Variants in MMP12 observed in about 807,000 individuals in gnomAD.
MMP12 encodes the protein matrix metallopeptidase 12, also known as macrophage metalloelastase.
A neutral mutation model predicts 45.2 loss-of-function variants in MMP12; 51 were observed. The observed-to-expected ratio is 1.13, with a 90% CI of 0.90 to 1.42. MMP12 has a LOEUF of 1.42. Among genes scored for constraint, MMP12 ranks in the 40% most tolerant of loss-of-function variants. The probability of loss-of-function intolerance (pLI) is 0.00; values close to 1 mark genes in which losing one functional copy is unlikely to be tolerated. For synonymous variants in MMP12, 210 were observed against 193.3 expected, an observed-to-expected ratio of 1.09 and a Z score of -0.72; for missense variants, 530 against 570.8, an observed-to-expected ratio of 0.93 and a Z score of 0.73.
Position 102,866,234 on chromosome 11 carries a change from C to T in MMP12, c.1045+81G>A, listed in dbSNP as rs185059595. On this transcript the variant is annotated intron_variant, in intron 7 of 9. Transcript: ENST00000571244. ...TCAAGAGTGCTTTCTTGGTCTATAT[C>T]TATTAAAAAGTAGTAGTCTCTTCTC... The T allele has an allele frequency of 4.8e-5, 65 of 1,341,528 alleles. No individual in the cohort carries two copies. The East Asian group carries it at 1.5e-3, about 31-fold the overall frequency. 83.1% of individuals were successfully genotyped at this position (1,341,528 alleles called of 1,614,324 possible). A position where few individuals can be genotyped will look rare whatever the true frequency, so the allele number is the denominator to read the frequency against.
Position 102,864,003 on chromosome 11 carries a change from C to G in MMP12, c.1312+143G>C, listed in dbSNP as rs1259259024. On this transcript the variant is annotated intron_variant, in intron 9 of 9. Coordinates refer to ENST00000571244, the MANE Select transcript of MMP12 (RefSeq NM_002426.6). ...TAACTCTCCTATTCAGAGCCACGTA[C>G]AGTGTGAGTTTTTCCTTGCGGCCCT... The G allele has an allele frequency of 4.0e-5, 26 of 653,148 alleles. No homozygotes were observed. The East Asian group carries it at 7.1e-4, about 18-fold the overall frequency. The allele number at this position is 653,148 out of a possible 1,614,324, so 40.5% of individuals were successfully genotyped here.
chr11:102,874,959 A>G lies in MMP12; in HGVS notation c.-22T>C, dbSNP rs1449137994. On this transcript the variant is annotated 5_prime_UTR_variant, in exon 1 of 10. Coordinates refer to ENST00000571244, the MANE Select transcript of MMP12 (RefSeq NM_002426.6). ...TCATTGTAAACTTCTAAACGGATCAATTCAGTTTACTGTGTTCCTTTCTAG... is the reference window on the plus strand; with the variant it reads ...TCATTGTAAACTTCTAAACGGATCAGTTCAGTTTACTGTGTTCCTTTCTAG... 17 of 1,468,994 alleles carry G rather than the reference A, an allele frequency of 1.2e-5. No individual in the cohort carries two copies. Among genetic ancestry groups the G allele is most frequent in the Non-Finnish European group, 1.6e-5 (17 of 1,066,864 alleles). The allele number at this position is 1,468,994 out of a possible 1,614,324, so 91.0% of individuals were successfully genotyped here.
At position 102,865,188 on chromosome 11, in the gene MMP12, T is replaced by C. The variant is rs1859363210; in HGVS notation, c.1205+588A>G. Among the ~76,000 whole-genome samples the C allele has an allele frequency of 5.9e-5, 9 of 152,334 alleles. No individual in the cohort carries two copies. The South Asian group carries it at 1.9e-3, about 32-fold the overall frequency. The stretch of plus-strand genomic sequence containing the variant: ...AGCTTAACATATATGTTATGTCTCA[T>C]GTCAACCAGGCAAGCAATCTAGGAA... On this transcript the variant is annotated intron_variant, in intron 8 of 9. Transcript: ENST00000571244. The surrounding 1 kb of genome is among the most constrained non-coding windows in gnomAD (Gnocchi z 4.1).
At position 102,862,907 on chromosome 11, in the gene MMP12, A is replaced by C. The variant is rs1859317552; in HGVS notation, c.*193T>G. ...TATTTTCAAACTTAATAGTAGAGTC[A>C]AGCAAGAATGGACAATTAGAGTTTT... On this transcript the variant is annotated 3_prime_UTR_variant, in exon 10 of 10. Coordinates refer to ENST00000571244, the MANE Select transcript of MMP12 (RefSeq NM_002426.6). 1.0e-5 allele frequency: 4 copies of C among 396,126 alleles called. No individual in the cohort carries two copies. In the Admixed American group the frequency reaches 1.8e-4, roughly 18 times the overall value. The allele number at this position is 396,126 out of a possible 1,614,324, so 24.5% of individuals were successfully genotyped here.
chr11:102,873,204 C>T, intron 1 of MMP12, 92 bp from the exon 2 acceptor site: 1 of 1,121,666 alleles, frequency 8.9e-7, no homozygotes, highest in South Asian at 1.6e-5. Flanking sequence ...CACACTGATG[C>T]TTTTGGACCA....
In MMP12 at chr11:102,867,547, G is replaced by GT. The variant is rs1388754516; in HGVS notation, c.788-155dup. Among the ~76,000 whole-genome samples, 5 of 151,942 alleles carry GT rather than the reference G, an allele frequency of 3.3e-5. No individual in the cohort carries two copies. In the East Asian group the frequency reaches 7.7e-4, roughly 24 times the overall value. On this transcript the variant is annotated intron_variant, in intron 5 of 9. Coordinates refer to ENST00000571244, the MANE Select transcript of MMP12 (RefSeq NM_002426.6). ...ACATTCACAGGAAGTATAAAGTAAG[G>GT]TTTTTTTTCCACATGGTTGCAATAT... is the stretch of plus-strand genomic sequence containing the variant.
intron 8 of MMP12, among the ~76,000 whole-genome samples, chr11:102,864,921 G>T (rs1402569773): frequency 6.6e-6 from 1 of 152,162 alleles, no homozygotes; most frequent in African/African-American, 2.4e-5. Context: ...GGGCCAAGTA[G>T]GAGTGGAAAA....
chr11:102,870,440 G>A (rs1044346518), intron 4 of MMP12, among the ~76,000 whole-genome samples: 3 of 152,282 alleles, frequency 2.0e-5, no homozygotes, highest in South Asian at 4.1e-4. Flanking sequence ...TCTTTCTGGT[G>A]GACATAGTAT....
In MMP12 at chr11:102,866,353, T is replaced by G. The variant is rs1555008546; in HGVS notation, c.1007A>C (p.Tyr336Ser). Residue 336 changes from tyrosine to serine, a missense_variant, in exon 7 of 10, where the codon TAT (tyrosine) becomes TCT (serine). By Grantham distance (144) the Tyr-to-Ser change is moderately radical (BLOSUM62 -2). Coordinates refer to ENST00000571244, the MANE Select transcript of MMP12 (RefSeq NM_002426.6). Reference sequence around the variant, plus strand: ...AACTTGATTTCTGGCTTCAATTTCATAAGCAGCTTCAATGCCAGATGGCAA... The same window carrying G: ...AACTTGATTTCTGGCTTCAATTTCAGAAGCAGCTTCAATGCCAGATGGCAA... ...PTLPSGIEAA[Y>S]EIEARNQVFL... is the part of the protein sequence containing the mutation. The G allele has an allele frequency of 6.3e-7, 1 of 1,597,564 alleles. No homozygotes were observed. Among genetic ancestry groups the G allele is most frequent in the Admixed American group, 1.7e-5 (1 of 57,154 alleles).
In MMP12 at chr11:102,874,872, A is replaced by G. The variant is rs200855398; in HGVS notation, c.66T>C (p.Ser22=). 5.0e-6 allele frequency: 8 copies of G among 1,607,192 alleles called. No homozygotes were observed. The highest frequency in any genetic ancestry group is 6.8e-6 in the Non-Finnish European group (8 of 1,176,576). ...TASGALPLNS[S]TSLEKNNVLF... is the part of the protein sequence containing the mutation. ...GCACATTATTTTTTTCCAGGCTTGT[A>G]GAGCTGTTCAGGGGAAGAGCTCCAG... The change falls in exon 1 of 10, where the codon TCT becomes TCC. Residue 22 remains serine (S), a synonymous_variant. Transcript: ENST00000571244.
At chr11:102,867,521 A>T in intron 5 of MMP12, 128 bp from the exon 6 acceptor site, 1 of 976,778 alleles carries the variant, frequency 1.0e-6, no homozygotes, top group Non-Finnish European at 1.5e-6. Flanking sequence ...AGCTTTCTAT[A>T]ACATTCACAG....
intron 6 of MMP12, among the ~76,000 whole-genome samples, chr11:102,866,714 A>T (rs1199629320): frequency 6.6e-6 from 1 of 152,154 alleles, no homozygotes; most frequent in Non-Finnish European, 1.5e-5. Context: ...GTTCGACCCT[A>T]CAATTCACTC....
At position 102,865,702 on chromosome 11, in the gene MMP12, G is replaced by A. The variant is rs1254258758; in HGVS notation, c.1205+74C>T. On this transcript the variant is annotated intron_variant, in intron 8 of 9. Transcript: ENST00000571244. This position sits in a 1 kb window ranked among gnomAD's most constrained non-coding sequence, Gnocchi z 4.1. Reference sequence around the variant, plus strand: ...AGCTTTGGGAATTTGCGCAGAAAATGTGCCTTCTAGAAAGCCTCATTCCAT... The same window carrying A: ...AGCTTTGGGAATTTGCGCAGAAAATATGCCTTCTAGAAAGCCTCATTCCAT... 7.8e-7 allele frequency: 1 copy of A among 1,282,946 alleles called. No individual in the cohort carries two copies. The highest frequency in any genetic ancestry group is 1.5e-5 in the African/African-American group (1 of 67,118). The allele number at this position is 1,282,946 out of a possible 1,614,324, so 79.5% of individuals were successfully genotyped here. A position where few individuals can be genotyped will look rare whatever the true frequency, so the allele number is the denominator to read the frequency against.
chr11:102,872,930 G>A lies in MMP12; in HGVS notation c.285C>T (p.Pro95=), dbSNP rs782209734. The A allele has an allele frequency of 3.7e-6, 6 of 1,613,594 alleles. No individual in the cohort carries two copies. Among genetic ancestry groups the A allele is most frequent in the Middle Eastern group, 1.6e-4 (1 of 6,062 alleles). ...EMMHAPRCGV[P]DVHHFREMPG... The stretch of plus-strand genomic sequence containing the variant: ...GCATTTCCCTGAAATGATGGACATC[G>A]GGGACTCCACATCGAGGTGCGTGCA... The change falls in exon 2 of 10, where the codon CCC becomes CCT. Residue 95 remains proline (P), a synonymous_variant. Transcript: ENST00000571244.
intron 4 of MMP12, among the ~76,000 whole-genome samples, 195 bp downstream of exon 4, chr11:102,871,399 G>A (rs1464250105): frequency 6.6e-6 from 1 of 152,142 alleles, no homozygotes; most frequent in Non-Finnish European, 1.5e-5. Flanking sequence ...TTTACAGAGA[G>A]TAAAATTGAG....
At chr11:102,869,936 GCAA>G (rs368928590) in intron 4 of MMP12, among the ~76,000 whole-genome samples, 9 of 151,944 alleles carry the variant, frequency 5.9e-5, no homozygotes, top group South Asian at 2.1e-4. Flanking sequence ...GCAAATAACA[GCAA>G]CAACAACAAC....
intron 4 of MMP12, among the ~76,000 whole-genome samples, chr11:102,868,866 T>C (rs946387916): frequency 2.6e-5 from 4 of 152,214 alleles, no homozygotes; most frequent in Admixed American, 1.3e-4. Flanking sequence ...TCTATACTTA[T>C]AATTTAGACA....
chr11:102,870,503 C>G (rs1388813308), intron 4 of MMP12, among the ~76,000 whole-genome samples: 1 of 152,140 alleles, frequency 6.6e-6, no homozygotes, highest in Admixed American at 6.5e-5. Flanking sequence ...GAGGAGGATG[C>G]TGAGTAGAGA....
intron 4 of MMP12, among the ~76,000 whole-genome samples, chr11:102,869,696 A>G (rs1485246223): frequency 6.6e-6 from 1 of 151,562 alleles, no homozygotes; most frequent in Non-Finnish European, 1.5e-5. Flanking sequence ...GGATCACCTG[A>G]GGTCAGGAGT....
Sources: gnomAD v4.1 joint callset for allele counts (sites outside exome capture counted in the v4.1 genomes callset) on GRCh38, gnomAD v4.1.1 for gene constraint, Gnocchi (gnomAD v3.1) non-coding constraint, MANE v1.5 for transcripts, NCBI Gene and HGNC (gene_info 2026-07-23, HGNC 2026-07-21) for gene names.